CAAP1: variants seen among roughly 807,000 people sequenced by gnomAD.
The protein encoded by CAAP1 is caspase activity and apoptosis inhibitor 1.
In CAAP1, 20 loss-of-function variants were observed where a neutral mutation model predicts 34.0. The ratio of observed to expected loss-of-function variants is 0.59; its 90% CI spans 0.41 to 0.86. The LOEUF is 0.86. Ranked by LOEUF, CAAP1 falls within the 40% of genes least tolerant of loss-of-function variation. The pLI, the probability that CAAP1 is intolerant of heterozygous loss-of-function variation, is 0.00. For synonymous variants in CAAP1, 213 were observed against 166.7 expected, an observed-to-expected ratio of 1.28 and a Z score of -2.14; for missense variants, 538 against 450.5, an observed-to-expected ratio of 1.19 and a Z score of -1.76.
intron 3 of CAAP1, among the ~76,000 whole-genome samples, chr9:26,885,579 G>C (rs976984637): frequency 6.6e-6 from 1 of 151,558 alleles, no homozygotes; most frequent in Non-Finnish European, 1.5e-5. Flanking sequence ...TAAAATCCTT[G>C]CAAAGTCCCA....
At chr9:26,853,883 C>G (rs1016208162) in intron 5 of CAAP1, among the ~76,000 whole-genome samples, 7 of 152,052 alleles carry the variant, frequency 4.6e-5, no homozygotes, top group African/African-American at 1.7e-4. Flanking sequence ...CAAGTTCTTT[C>G]CAGATCCAGA....
At chr9:26,850,212 T>A (rs1331870407) in intron 5 of CAAP1, among the ~76,000 whole-genome samples, 1 of 152,226 alleles carries the variant, frequency 6.6e-6, no homozygotes, top group Non-Finnish European at 1.5e-5. Flanking sequence ...CATTACCTGT[T>A]ATATTTCTTG....
At chr9:26,869,369 T>G (rs575584261) in intron 4 of CAAP1, among the ~76,000 whole-genome samples, 1 of 152,280 alleles carries the variant, frequency 6.6e-6, no homozygotes, top group South Asian at 2.1e-4. Context: ...AAACACATCT[T>G]TAATTCACCA....
chr9:26,875,235 A>T lies in CAAP1; in HGVS notation c.665+9575T>A, dbSNP rs375151639. ...CCCCAACTCTACTAAAAAATACAAA[A>T]ATTAGCCAGGCGTGGTGGCATGCAC... On this transcript the variant is annotated intron_variant, in intron 4 of 5. Transcript: ENST00000333916. Among the ~76,000 whole-genome samples, 23 of 152,198 alleles carry T rather than the reference A, an allele frequency of 1.5e-4. No individual in the cohort carries two copies. In the South Asian group the frequency reaches 2.3e-3, roughly 15 times the overall value.
At chr9:26,867,041 G>C (rs531909525) in intron 4 of CAAP1, among the ~76,000 whole-genome samples, 4 of 152,264 alleles carry the variant, frequency 2.6e-5, no homozygotes, top group African/African-American at 7.2e-5. Context: ...TCATAGGAAT[G>C]TGAACCCTAT....
At chr9:26,868,597 T>G (rs1313691429) in intron 4 of CAAP1, among the ~76,000 whole-genome samples, 1 of 152,228 alleles carries the variant, frequency 6.6e-6, no homozygotes, top group African/African-American at 2.4e-5. Flanking sequence ...TTGTGGTAAT[T>G]TGTTATAGCA....
At chr9:26,844,778 C>G (rs944174136) in intron 5 of CAAP1, among the ~76,000 whole-genome samples, 1 of 152,142 alleles carries the variant, frequency 6.6e-6, no homozygotes, top group Non-Finnish European at 1.5e-5. Flanking sequence ...ACTCTTGATT[C>G]CCTGAACCTA....
chr9:26,846,185 A>G (rs62544398), intron 5 of CAAP1, among the ~76,000 whole-genome samples: 43,840 of 151,954 alleles, frequency 0.29, 7,711 homozygotes, highest in East Asian at 0.74. Context: ...TTGAGAGGCC[A>G]AGGCAGGTGG....
At position 26,857,351 on chromosome 9, in the gene CAAP1, G is replaced by A. The variant is rs76542215; in HGVS notation, c.739+3715C>T. ...TGAATGATTTAAGAAATAATTTCTG[G>A]CCGGGTATGGTGGCTCACGCCTGTA... On this transcript the variant is annotated intron_variant, in intron 5 of 5. Transcript: ENST00000333916. 3.0e-3 allele frequency among the ~76,000 whole-genome samples: 464 copies of A among 152,318 alleles called. 6 individuals carry two copies. The highest frequency in any genetic ancestry group is 0.028 in the East Asian group (146 of 5,188).
At chr9:26,875,219 T>A (rs555531206) in intron 4 of CAAP1, among the ~76,000 whole-genome samples, 4 of 152,186 alleles carry the variant, frequency 2.6e-5, no homozygotes, top group African/African-American at 9.6e-5. Context: ...ACCCCAACTC[T>A]ACTAAAAAAT....
At chr9:26,845,601 C>T (rs111637789) in intron 5 of CAAP1, among the ~76,000 whole-genome samples, 1,708 of 152,242 alleles carry the variant, frequency 0.011, 32 homozygotes, top group African/African-American at 0.039. Context: ...GTCTGGAACT[C>T]CTGACCTCGT....
intron 5 of CAAP1, among the ~76,000 whole-genome samples, chr9:26,847,276 G>A (rs1177089023): frequency 1.6e-5 from 2 of 122,988 alleles, no homozygotes; most frequent in Non-Finnish European, 3.2e-5. Flanking sequence ...GTGCAGTGGC[G>A]CGATCTCGGC....
intron 5 of CAAP1, among the ~76,000 whole-genome samples, chr9:26,858,869 G>C (rs920745957): frequency 4.6e-5 from 7 of 150,654 alleles, no homozygotes; most frequent in Non-Finnish European, 8.9e-5. Context: ...ATGGTGGCAG[G>C]TGCCTGTAGT....
chr9:26,848,960 A>G (rs1463341749), intron 5 of CAAP1, among the ~76,000 whole-genome samples: 2 of 152,210 alleles, frequency 1.3e-5, no homozygotes, highest in African/African-American at 4.8e-5. Context: ...TCAGTGATGA[A>G]TCTGAGCAGT....
intron 4 of CAAP1, among the ~76,000 whole-genome samples, chr9:26,872,069 A>G (rs958200883): frequency 6.6e-6 from 1 of 152,174 alleles, no homozygotes; most frequent in Non-Finnish European, 1.5e-5. Context: ...GTTCTACCAC[A>G]TATCACTGCT....
At chr9:26,876,630 G>C (rs1218461914) in intron 4 of CAAP1, among the ~76,000 whole-genome samples, 1 of 151,998 alleles carries the variant, frequency 6.6e-6, no homozygotes, top group Non-Finnish European at 1.5e-5. Context: ...TACCACAATT[G>C]TCTACAGTAT....
chr9:26,880,466 C>A, intron 4 of CAAP1: 2 of 198,654 alleles, frequency 1.0e-5, no homozygotes, highest in South Asian at 1.7e-4. Context: ...AGGGTGCACT[C>A]TTGTAAGCAG....
At position 26,842,254 on chromosome 9, in the gene CAAP1, T is replaced by A. The variant is rs753568639; in HGVS notation, c.*47A>T. 2.9e-5 allele frequency: 41 copies of A among 1,395,390 alleles called. No individual in the cohort carries two copies. The East Asian group carries it at 8.8e-4, about 30-fold the overall frequency. The allele number at this position is 1,395,390 out of a possible 1,614,324, so 86.4% of individuals were successfully genotyped here. On this transcript the variant is annotated 3_prime_UTR_variant, in exon 6 of 6. Coordinates refer to ENST00000333916, the MANE Select transcript of CAAP1 (RefSeq NM_024828.4). ...AAATTTTAGATACAAAATTAAATGA[T>A]GTGGCTTTGTTCAAACATACCTAAA...
rs1331794420 is a variant in CAAP1 at position 26,887,516 on chromosome 9, A to C, written c.304-3T>G. 6.4e-7 allele frequency: 1 copy of C among 1,556,184 alleles called. No individual in the cohort carries two copies. Among genetic ancestry groups the C allele is most frequent in the South Asian group, 1.2e-5 (1 of 84,650 alleles). On this transcript the variant is annotated splice_region_variant and splice_polypyrimidine_tract_variant and intron_variant, in intron 1 of 5. Coordinates refer to ENST00000333916, the MANE Select transcript of CAAP1 (RefSeq NM_024828.4). The stretch of plus-strand genomic sequence containing the variant: ...GTTGGCAAAATATATTTAGTTTCCT[A>C]AAGTTAAAAGAATAAAGAACCATTA...
Sources: allele counts gnomAD v4.1 joint callset (sites outside exome capture counted in the v4.1 genomes callset), GRCh38; gene constraint gnomAD v4.1.1; transcripts MANE v1.5; gene names NCBI Gene and HGNC (gene_info 2026-07-23, HGNC 2026-07-21).